MSI2: variants seen among roughly 807,000 people sequenced by gnomAD.
The protein encoded by MSI2 is musashi RNA binding protein 2.
Under a neutral mutation model 45.6 loss-of-function variants are expected in MSI2, and 17 were observed. That is an observed-to-expected ratio of 0.37 (90% CI 0.26 to 0.56). MSI2 has a LOEUF of 0.56. MSI2 is among the 20% of genes least tolerant of loss of function. The pLI is 0.77. For missense variants in MSI2, 293 were observed against 444.2 expected, an observed-to-expected ratio of 0.66 and a Z score of 3.06; for synonymous variants, 156 against 158.2, an observed-to-expected ratio of 0.99 and a Z score of 0.11.
intron 7 of MSI2, among the ~76,000 whole-genome samples, chr17:57,549,160 C>T (rs532622333): frequency 1.3e-5 from 2 of 152,332 alleles, no homozygotes; most frequent in South Asian, 4.1e-4. Flanking sequence ...CAGGCGTGAG[C>T]CGCCGGGCGC....
At chr17:57,665,757 G>C (rs1190145924) in intron 11 of MSI2, among the ~76,000 whole-genome samples, 4 of 152,202 alleles carry the variant, frequency 2.6e-5, no homozygotes, top group Admixed American at 6.5e-5. Context: ...CAGCTCTCTG[G>C]GTGGCCCCCT....
rs568779039 is a variant in MSI2, at chr17:57,683,198, G to C, written c.*3681G>C. The C allele has an allele frequency of 1.3e-5, 3 of 229,200 alleles. No individual in the cohort carries two copies. Among genetic ancestry groups the C allele is most frequent in the Non-Finnish European group, 2.6e-5 (3 of 115,612 alleles). 14.2% of individuals were successfully genotyped at this position (229,200 alleles called of 1,614,324 possible). A position where few individuals can be genotyped will look rare whatever the true frequency, so the allele number is the denominator to read the frequency against. ...ACTGTTTCACTGCACAGCAATCACA[G>C]CCAGTGAATGTTACACACATCTTGC... On this transcript the variant is annotated 3_prime_UTR_variant, in exon 14 of 14. Coordinates refer to ENST00000284073, the MANE Select transcript of MSI2 (RefSeq NM_138962.4). This position sits in a 1 kb window ranked among gnomAD's most constrained non-coding sequence, Gnocchi z 5.2.
chr17:57,524,174 A>G (rs1378949123), intron 6 of MSI2, among the ~76,000 whole-genome samples: 1 of 152,240 alleles, frequency 6.6e-6, no homozygotes, highest in Non-Finnish European at 1.5e-5. Flanking sequence ...GGTGCAAGAG[A>G]GAACAAGCAG....
the MSI2 span, among the ~76,000 whole-genome samples, chr17:57,695,282 ATT>A: frequency 6.6e-6 from 1 of 152,182 alleles, no homozygotes; most frequent in African/African-American, 2.4e-5. Context: ...GCCTGCTTCT[ATT>A]TCTAACTAGC....
At chr17:57,520,747 G>C (rs1194214162) in intron 6 of MSI2, among the ~76,000 whole-genome samples, 1 of 152,096 alleles carries the variant, frequency 6.6e-6, no homozygotes, top group Admixed American at 6.5e-5. Context: ...TCCGCCTCCT[G>C]GGTTCAAGCA....
intron 6 of MSI2, among the ~76,000 whole-genome samples, chr17:57,405,893 T>C (rs1310740555): frequency 6.6e-6 from 1 of 152,188 alleles, no homozygotes; most frequent in African/African-American, 2.4e-5. Flanking sequence ...GCAGATCTAT[T>C]ATGTAGGTGG....
chr17:57,262,297 C>T lies in MSI2; in HGVS notation c.312+105C>T. The T allele has an allele frequency of 3.2e-6, 4 of 1,250,186 alleles. No homozygotes were observed. In the South Asian group the frequency reaches 5.0e-5, roughly 16 times the overall value. 77.4% of individuals were successfully genotyped at this position (1,250,186 alleles called of 1,614,324 possible). On this transcript the variant is annotated intron_variant, in intron 5 of 13. Coordinates refer to ENST00000284073, the MANE Select transcript of MSI2 (RefSeq NM_138962.4). ...ATGAACTGTTGAAGCCTGGTATTCACTGTTCCTTCGGGGTATCAGGACAGG... is the reference window on the plus strand; with the variant it reads ...ATGAACTGTTGAAGCCTGGTATTCATTGTTCCTTCGGGGTATCAGGACAGG...
chr17:57,367,547 C>G (rs1343194144), intron 5 of MSI2, among the ~76,000 whole-genome samples: 1 of 152,132 alleles, frequency 6.6e-6, no homozygotes, highest in Non-Finnish European at 1.5e-5. Flanking sequence ...CCGGAACAGC[C>G]CCTTTCCTCA....
chr17:57,265,735 A>G (rs1396631161), intron 5 of MSI2: 1 of 152,172 alleles, frequency 6.6e-6, no homozygotes, highest in Non-Finnish European at 1.5e-5. Context: ...ATTTCTCTGG[A>G]TGATTATTTC....
At chr17:57,357,315 C>A (rs1916498004) in intron 5 of MSI2, among the ~76,000 whole-genome samples, 1 of 152,114 alleles carries the variant, frequency 6.6e-6, no homozygotes, top group East Asian at 1.9e-4. Context: ...AGCTCCAGGA[C>A]CCCCAAGGCC....
intron 10 of MSI2, among the ~76,000 whole-genome samples, chr17:57,647,254 T>C (rs139998240): frequency 0.012 from 1,412 of 114,704 alleles, 23 homozygotes; most frequent in African/African-American, 0.045. Flanking sequence ...CATGGTGAAA[T>C]CTCGACTCTA....
At chr17:57,663,162 C>T (rs1912118400) in intron 11 of MSI2, among the ~76,000 whole-genome samples, 1 of 149,782 alleles carries the variant, frequency 6.7e-6, no homozygotes, top group South Asian at 2.1e-4. Context: ...TTGCTCTGAG[C>T]CAGTGGCGGG....
intron 6 of MSI2, among the ~76,000 whole-genome samples, chr17:57,524,672 A>G (rs2086660884): frequency 1.3e-5 from 2 of 152,210 alleles, no homozygotes; most frequent in African/African-American, 2.4e-5. Flanking sequence ...CCCTCTTCTT[A>G]TCATCTTTTC....
chr17:57,421,572 A>G (rs993105610), intron 6 of MSI2, among the ~76,000 whole-genome samples: 6 of 152,000 alleles, frequency 3.9e-5, no homozygotes, highest in Admixed American at 3.9e-4. Flanking sequence ...CCTCAGGCAC[A>G]GTATACTTTT....
chr17:57,401,520 A>G (rs752445968), intron 6 of MSI2, 49 bp downstream of exon 6: 18 of 1,460,530 alleles, frequency 1.2e-5, no homozygotes, highest in Non-Finnish European at 1.7e-5. Context: ...TAGCCTCATC[A>G]GTCCTAAGAA....
chr17:57,580,158 G>T (rs929331889), intron 7 of MSI2, among the ~76,000 whole-genome samples: 1 of 151,938 alleles, frequency 6.6e-6, no homozygotes, highest in Non-Finnish European at 1.5e-5. Context: ...CATTATTCCT[G>T]GGGTTTTCCC....
At chr17:57,657,699 C>G (rs1004754316) in intron 11 of MSI2, among the ~76,000 whole-genome samples, 1 of 152,216 alleles carries the variant, frequency 6.6e-6, no homozygotes, top group Non-Finnish European at 1.5e-5. Flanking sequence ...TGTGTCCCCA[C>G]TGCTAGCCTC....
At chr17:57,387,376 G>A (rs1177203793) in intron 5 of MSI2, among the ~76,000 whole-genome samples, 1 of 152,108 alleles carries the variant, frequency 6.6e-6, no homozygotes, top group African/African-American at 2.4e-5. Flanking sequence ...TTTTATGTGA[G>A]GATTTATAGA....
In MSI2 at chr17:57,470,678, G is replaced by A. The variant is rs563751607; in HGVS notation, c.406-58998G>A. ...AATAGTTGACTGTGTGCACTGGGGC[G>A]GCATCAGCCTTGCTGTCCACAGCAG... is the stretch of plus-strand genomic sequence containing the variant. On this transcript the variant is annotated intron_variant, in intron 6 of 13. Transcript: ENST00000284073. Among the ~76,000 whole-genome samples, 6 of 152,330 alleles carry A rather than the reference G, an allele frequency of 3.9e-5. No individual in the cohort carries two copies. The East Asian group carries it at 7.7e-4, about 20-fold the overall frequency.
Sources: allele counts gnomAD v4.1 joint callset (sites outside exome capture counted in the v4.1 genomes callset), GRCh38; gene constraint gnomAD v4.1.1; non-coding constraint Gnocchi (gnomAD v3.1); transcripts MANE v1.5; gene names NCBI Gene and HGNC (gene_info 2026-07-23, HGNC 2026-07-21).